Variants in RAD51AP2 observed in about 807,000 individuals in gnomAD.
RAD51AP2 encodes the protein RAD51-associated protein 2.
Under a neutral mutation model 85.5 loss-of-function variants are expected in RAD51AP2, and 67 were observed. That is an observed-to-expected ratio of 0.78 (90% CI 0.64 to 0.96). The LOEUF (loss-of-function observed/expected upper bound fraction) is 0.96. Ranked by LOEUF, RAD51AP2 falls within the 40% of genes least tolerant of loss-of-function variation. The probability of loss-of-function intolerance (pLI) is 0.00; values close to 1 mark genes in which losing one functional copy is unlikely to be tolerated. For synonymous variants in RAD51AP2, 474 were observed against 446.5 expected, an observed-to-expected ratio of 1.06 and a Z score of -0.78; for missense variants, 1,307 against 1,332.4, an observed-to-expected ratio of 0.98 and a Z score of 0.30.
At chr2:17,528,331 A>C in the RAD51AP2 span, among the ~76,000 whole-genome samples, 1 of 152,224 alleles carries the variant, frequency 6.6e-6, no homozygotes, top group Admixed American at 6.5e-5. Context: ...CTAATTTCAC[A>C]AAAATTAGTT....
chr2:17,516,409 G>A lies in RAD51AP2; in HGVS notation c.2007C>T (p.Ser669=), dbSNP rs1244416285. The change falls in exon 1 of 3, where the codon TCC becomes TCT. Residue 669 remains serine (S), a synonymous_variant. Transcript: ENST00000399080. ...CTGTATTTTGAGTTGTCATACTGAA[G>A]GAATTAATGAGTTTTTTCTTAGACT... ...FEKSKKKLIN[S]FSMTTQNTGF... 1.9e-6 allele frequency: 3 copies of A among 1,602,786 alleles called. No homozygotes were observed. The highest frequency in any genetic ancestry group is 2.5e-6 in the Non-Finnish European group (3 of 1,176,504).
At chr2:17,527,655 T>C in the RAD51AP2 span, among the ~76,000 whole-genome samples, 1 of 152,200 alleles carries the variant, frequency 6.6e-6, no homozygotes, top group African/African-American at 2.4e-5. Flanking sequence ...AATCAGTGAT[T>C]ATTTCAAGGT....
In RAD51AP2 at chr2:17,517,513, A is replaced by G. The variant is rs763026070; in HGVS notation, c.903T>C (p.Asn301=). The change falls in exon 1 of 3, where the codon AAT becomes AAC. Residue 301 remains asparagine (N), a synonymous_variant. Transcript: ENST00000399080. ...RDFTNIYWSQ[N]RPDVKKQKLQ... ...ACTTTTGCTTCTTAACATCAGGTCT[A>G]TTTTGGGACCAGTAAATGTTTGTGA... is the stretch of plus-strand genomic sequence containing the variant. 1.9e-6 allele frequency: 3 copies of G among 1,613,790 alleles called. No individual in the cohort carries two copies. The highest frequency in any genetic ancestry group is 2.5e-6 in the Non-Finnish European group (3 of 1,179,866).
upstream of RAD51AP2, among the ~76,000 whole-genome samples, chr2:17,522,580 T>G (rs1215001094): frequency 1.3e-5 from 2 of 152,018 alleles, no homozygotes; most frequent in African/African-American, 4.8e-5. Flanking sequence ...ACAACATCCA[T>G]TTGATACTCT....
At position 17,516,558 on chromosome 2, in the gene RAD51AP2, T is replaced by A. The variant is rs1346817629; in HGVS notation, c.1858A>T (p.Asn620Tyr). 6.3e-7 allele frequency: 1 copy of A among 1,579,094 alleles called. No homozygotes were observed. Among genetic ancestry groups the A allele is most frequent in the African/African-American group, 1.4e-5 (1 of 73,882 alleles). ...KCMLYLKYPKNIVENHTAYLV... is the reference protein window; with the variant it reads ...KCMLYLKYPKYIVENHTAYLV... ...TATGCAGTATGATTTTCCACTATAT[T>A]TTTTGGATACTTCAAATAAAGCATG... The change falls in exon 1 of 3, where the codon AAT becomes TAT. Residue 620 changes from asparagine (N) to tyrosine (Y), a missense_variant. Asn to Tyr is a moderately radical substitution (Grantham distance 143). Around this residue, in one of 3 missense-constraint regions of RAD51AP2, gnomAD observed 668 missense variants for 671.0 expected, o/e 1.00. Transcript: ENST00000399080.
intron 2 of RAD51AP2, among the ~76,000 whole-genome samples, chr2:17,511,409 A>G (rs1380131305): frequency 2.6e-5 from 4 of 152,202 alleles, no homozygotes; most frequent in Admixed American, 2.6e-4. Flanking sequence ...ATTATGCATC[A>G]ATAGAGGGCT....
the RAD51AP2 span, among the ~76,000 whole-genome samples, chr2:17,530,046 C>G: frequency 6.6e-6 from 1 of 152,284 alleles, no homozygotes; most frequent in South Asian, 2.1e-4. Flanking sequence ...GTTTCTTGCC[C>G]CATTCCCAGT....
chr2:17,522,342 G>A (rs1572304398), upstream of RAD51AP2, among the ~76,000 whole-genome samples: 1 of 151,866 alleles, frequency 6.6e-6, no homozygotes, highest in Non-Finnish European at 1.5e-5. Flanking sequence ...ATGCTGCTTC[G>A]TTTGCTTAAA....
intron 2 of RAD51AP2, among the ~76,000 whole-genome samples, chr2:17,513,778 T>C (rs1662567045): frequency 6.6e-6 from 1 of 152,198 alleles, no homozygotes; most frequent in Non-Finnish European, 1.5e-5. Flanking sequence ...TCAATACAAA[T>C]ATCTGAACGT....
Position 17,515,778 on chromosome 2 carries a change from T to C in RAD51AP2, c.2638A>G (p.Ser880Gly), listed in dbSNP as rs1662640434. The C allele has an allele frequency of 6.3e-7, 1 of 1,598,596 alleles. No homozygotes were observed. Among genetic ancestry groups the C allele is most frequent in the Non-Finnish European group, 8.5e-7 (1 of 1,171,334 alleles). The stretch of plus-strand genomic sequence containing the variant: ...TTTTCTTCCACATTTACTTCCTTAC[T>C]TATTAATGAAACTGACTGTACAGAA... ...MFSVQSVSLI[S>G]KEVNVEENKY... Residue 880 changes from serine (S) to glycine (G), a missense_variant, in exon 1 of 3, where the codon AGT (serine) becomes GGT (glycine). Physicochemically the swap from Ser to Gly is moderately conservative, Grantham distance 56. Transcript: ENST00000399080.
In RAD51AP2 at chr2:17,515,635, A is replaced by C; in HGVS notation, c.2781T>G (p.Ile927Met). 1 of 1,612,330 alleles carries C rather than the reference A, an allele frequency of 6.2e-7. No individual in the cohort carries two copies. Residue 927 changes from isoleucine (I) to methionine (M), a missense_variant, in exon 1 of 3, where the codon ATT becomes ATG. By Grantham distance (10) the Ile-to-Met change is conservative (BLOSUM62 1). Transcript: ENST00000399080. ...FHRKNDSALYINHQFETGLSE... is the reference protein window; with the variant it reads ...FHRKNDSALYMNHQFETGLSE... ...TCAGACCAGTTTCAAATTGATGATT[A>C]ATATATAATGCAGAGTCATTCTTTC...
upstream of RAD51AP2, among the ~76,000 whole-genome samples, chr2:17,520,373 G>T (rs535299492): frequency 6.6e-6 from 1 of 151,882 alleles, no homozygotes; most frequent in South Asian, 2.1e-4. Flanking sequence ...AAAAAATTAT[G>T]TCTTCAACTC....
rs185207826 is a variant in RAD51AP2, at chr2:17,512,160, G to A, written c.3329-1205C>T. ...AGAAGGGATTCATTGAAGACATTTAGTAGTCAACGGAAACGTTAAGAGAAG... is the reference window on the plus strand; with the variant it reads ...AGAAGGGATTCATTGAAGACATTTAATAGTCAACGGAAACGTTAAGAGAAG... On this transcript the variant is annotated intron_variant, in intron 2 of 2. Coordinates refer to ENST00000399080, the MANE Select transcript of RAD51AP2 (RefSeq NM_001099218.3). Among the ~76,000 whole-genome samples the A allele has an allele frequency of 1.1e-3, 160 of 152,260 alleles. 3 individuals are homozygous for A. The highest frequency in any genetic ancestry group is 4.0e-4 in the Non-Finnish European group (27 of 67,994).
Position 17,516,655 on chromosome 2 carries a change from C to CA in RAD51AP2, c.1760dup (p.Leu587PhefsTer4), listed in dbSNP as rs781047879. On this transcript the variant is annotated frameshift_variant, in exon 1 of 3. Coordinates refer to ENST00000399080, the MANE Select transcript of RAD51AP2 (RefSeq NM_001099218.3). LOFTEE classifies it high-confidence loss of function. ...TTGTTAAAGAGTCAAAGTTATTGAG[C>CA]AAAAAAGCTATGTTAGTTTTCAATA... 1.3e-6 allele frequency: 2 copies of CA among 1,567,540 alleles called. No homozygotes were observed. The highest frequency in any genetic ancestry group is 1.7e-6 in the Non-Finnish European group (2 of 1,159,500).
chr2:17,510,986 T>C (rs1297739838), intron 2 of RAD51AP2, 31 bp from the exon 3 acceptor site: 1 of 1,491,526 alleles, frequency 6.7e-7, no homozygotes, highest in South Asian at 1.3e-5. Context: ...AAGTAAAAAT[T>C]ATCAATAGTT....
chr2:17,532,438 T>C, the RAD51AP2 span, among the ~76,000 whole-genome samples: 2 of 152,180 alleles, frequency 1.3e-5, no homozygotes, highest in East Asian at 3.9e-4. Context: ...TGTGTCTGTG[T>C]TTTTTCTCTT....
At chr2:17,534,146 G>GT in the RAD51AP2 span, among the ~76,000 whole-genome samples, 885 of 152,214 alleles carry the variant, frequency 5.8e-3, 3 homozygotes, top group Non-Finnish European at 9.6e-3. Context: ...AAATGCTTTA[G>GT]TAAGTATATA....
the RAD51AP2 span, among the ~76,000 whole-genome samples, chr2:17,531,484 C>A: frequency 6.6e-6 from 1 of 152,112 alleles, no homozygotes; most frequent in African/African-American, 2.4e-5. Context: ...GTGCTGTGAA[C>A]CTAAACCTGC....
the RAD51AP2 span, among the ~76,000 whole-genome samples, chr2:17,529,515 A>G: frequency 2.6e-5 from 4 of 152,174 alleles, no homozygotes; most frequent in Non-Finnish European, 4.4e-5. Context: ...TTAATCAACC[A>G]AATAATGTTG....
Sources: allele counts gnomAD v4.1 joint callset (sites outside exome capture counted in the v4.1 genomes callset), GRCh38; gene constraint gnomAD v4.1.1; regional missense constraint gnomAD v4.1.1; transcripts MANE v1.5; gene names NCBI Gene and HGNC (gene_info 2026-07-23, HGNC 2026-07-21).